The following GEMIN5 variants were observed in gnomAD, a reference collection of about 807,000 sequenced individuals.
GEMIN5 encodes the protein gem-associated protein 5.
GEMIN5 carries 124 observed loss-of-function variants against 176.9 expected under a neutral mutation model. That is an observed-to-expected ratio of 0.70 (90% confidence interval 0.61 to 0.81). GEMIN5 has a LOEUF of 0.81. Ranked by LOEUF, GEMIN5 falls within the 40% of genes least tolerant of loss-of-function variation. The pLI is 0.00. For missense variants in GEMIN5, 1,843 were observed against 1,814.6 expected (o/e 1.02, Z -0.28); for synonymous variants, 673 against 665.2 (o/e 1.01, Z -0.18).
intron 5 of GEMIN5, among the ~76,000 whole-genome samples, chr5:154,930,264 A>G (rs1764134594): frequency 6.6e-6 from 1 of 152,242 alleles, no homozygotes; most frequent in Non-Finnish European, 1.5e-5. Flanking sequence ...GGAACGACAC[A>G]GCAGCAGGGG....
intron 3 of GEMIN5, among the ~76,000 whole-genome samples, chr5:154,935,496 G>C (rs889437813): frequency 6.6e-6 from 1 of 152,180 alleles, no homozygotes; most frequent in African/African-American, 2.4e-5. Flanking sequence ...CAGAACTAGA[G>C]AGACCCAGCA....
chr5:154,917,950 C>A lies in GEMIN5; in HGVS notation c.1654G>T (p.Ala552Ser). ...ISWKADGKIM[A>S]LGNEDGSIEI... is the part of the protein sequence containing the mutation. ...ACATACCCATCTTCATTGCCAAGAG[C>A]CATGATTTTGCCATCTGCTTTCCAA... Residue 552 changes from alanine to serine, a missense_variant, in exon 12 of 28, where the codon GCT (alanine) becomes TCT (serine). Coordinates refer to ENST00000285873, the MANE Select transcript of GEMIN5 (RefSeq NM_015465.5). 1.2e-6 allele frequency: 2 copies of A among 1,611,384 alleles called. No individual in the cohort carries two copies. Among genetic ancestry groups the A allele is most frequent in the Non-Finnish European group, 1.7e-6 (2 of 1,177,698 alleles).
chr5:154,902,053 C>T (rs1005619521), intron 20 of GEMIN5, among the ~76,000 whole-genome samples: 3 of 152,162 alleles, frequency 2.0e-5, no homozygotes, highest in Non-Finnish European at 4.4e-5. Context: ...CTGCCCACCT[C>T]GGCCTCCCGA....
At chr5:154,918,142 T>C in intron 11 of GEMIN5, 138 bp from the exon 12 acceptor site, 5 of 615,798 alleles carry the variant, frequency 8.1e-6, no homozygotes, top group Non-Finnish European at 1.4e-5. Context: ...TCTACATAAT[T>C]AGTAAAAGGA....
rs1040778851 is a variant in GEMIN5 at position 154,898,658 on chromosome 5, A to T, written c.3135-8T>A. ...CAAGTGGCCCCTAAATAGCTATAAT[A>T]TGAATAAAAATGTGAAGAAAATGTC... is the stretch of plus-strand genomic sequence containing the variant. On this transcript the variant is annotated splice_region_variant and splice_polypyrimidine_tract_variant and intron_variant, in intron 22 of 27. Transcript: ENST00000285873. 5 of 1,581,962 alleles carry T rather than the reference A, an allele frequency of 3.2e-6. No individual in the cohort carries two copies. In the Admixed American group the frequency reaches 6.7e-5, roughly 21 times the overall value.
rs556534545 is a variant in GEMIN5 at position 154,897,745 on chromosome 5, G to GT, written c.3345+694dup. On this transcript the variant is annotated intron_variant, in intron 23 of 27. Coordinates refer to ENST00000285873, the MANE Select transcript of GEMIN5 (RefSeq NM_015465.5). ...CAAGCGATCTGCTGCATCTGGCCCA[G>GT]TTTTTTTTCCATAGCTTACAGTTAA... 7.8e-3 allele frequency among the ~76,000 whole-genome samples: 1,182 copies of GT among 151,818 alleles called. 9 individuals are homozygous for GT. The highest frequency in any genetic ancestry group is 0.028 in the African/African-American group (1,140 of 41,380).
intron 5 of GEMIN5, 150 bp from the exon 6 acceptor site, chr5:154,928,809 T>C: frequency 3.0e-6 from 2 of 658,808 alleles, no homozygotes; most frequent in Non-Finnish European, 5.3e-6. Context: ...TGGTTACAAT[T>C]TTAACCATTA....
Position 154,891,670 on chromosome 5 carries a change from G to T in GEMIN5, c.3833C>A (p.Ala1278Asp), listed in dbSNP as rs1004628057. 61 of 1,612,266 alleles carry T rather than the reference G, an allele frequency of 3.8e-5. No individual in the cohort carries two copies. The highest frequency in any genetic ancestry group is 4.9e-5 in the Non-Finnish European group (58 of 1,179,608). ...PATPAFKSLE[A>D]FFLYGRLYEF... ...ATACAGACGCCCATAAAGAAAAAAG[G>T]CCTCCAAACTTTTGAAAGCTGGTGT... The change falls in exon 26 of 28, where the codon GCC becomes GAC. Residue 1278 changes from alanine to aspartate, a missense_variant. Transcript: ENST00000285873.
rs936089739 is a variant in GEMIN5 at position 154,887,857 on chromosome 5, G to A, written c.*353C>T. 1 of 231,374 alleles carries A rather than the reference G, an allele frequency of 4.3e-6. No homozygotes were observed. The highest frequency in any genetic ancestry group is 1.5e-4 in the East Asian group (1 of 6,788). 14.3% of individuals were successfully genotyped at this position (231,374 alleles called of 1,614,324 possible). ...ATCAGATGAAGTATTTACAAAGGTA[G>A]CTTGTGTTTTAAGCATGTAACACTT... is the stretch of plus-strand genomic sequence containing the variant. On this transcript the variant is annotated 3_prime_UTR_variant, in exon 28 of 28. Coordinates refer to ENST00000285873, the MANE Select transcript of GEMIN5 (RefSeq NM_015465.5).
chr5:154,900,695 T>C (rs1202133842), intron 21 of GEMIN5, among the ~76,000 whole-genome samples: 1 of 152,172 alleles, frequency 6.6e-6, no homozygotes, highest in African/African-American at 2.4e-5. Flanking sequence ...CAACTCTGCC[T>C]GGAGATCCCA....
intron 3 of GEMIN5, among the ~76,000 whole-genome samples, chr5:154,933,781 A>T (rs1259985932): frequency 6.6e-6 from 1 of 152,156 alleles, no homozygotes; most frequent in Non-Finnish European, 1.5e-5. Context: ...CAACAGATCA[A>T]GCTATTTAGA....
In GEMIN5 at chr5:154,921,797, C is replaced by T. The variant is rs534633386; in HGVS notation, c.1380-372G>A. 3.9e-5 allele frequency among the ~76,000 whole-genome samples: 6 copies of T among 152,202 alleles called. No homozygotes were observed. In the South Asian group the frequency reaches 1.2e-3, roughly 32 times the overall value. ...GAAGTCATTTTAGACTTACTCTGTG[C>T]CATTAACATCACATTTCCTAAATTG... On this transcript the variant is annotated intron_variant, in intron 9 of 27. Coordinates refer to ENST00000285873, the MANE Select transcript of GEMIN5 (RefSeq NM_015465.5).
At chr5:154,897,095 G>C (rs1763366773) in intron 23 of GEMIN5, among the ~76,000 whole-genome samples, 4 of 152,132 alleles carry the variant, frequency 2.6e-5, no homozygotes, top group Admixed American at 2.6e-4. Context: ...TTTTTTGATG[G>C]TGGATAAATT....
chr5:154,911,019 G>T (rs1763688822), intron 15 of GEMIN5, among the ~76,000 whole-genome samples: 4 of 152,094 alleles, frequency 2.6e-5, no homozygotes. Context: ...ATGTTTAACA[G>T]TTGTCCCAGA....
At chr5:154,892,752 G>A (rs909370011) in intron 24 of GEMIN5, 9 of 557,662 alleles carry the variant, frequency 1.6e-5, no homozygotes, top group East Asian at 6.0e-5. Flanking sequence ...CACACGTCCC[G>A]GTGTTAAAGT....
At position 154,927,430 on chromosome 5, in the gene GEMIN5, T is replaced by C. The variant is rs1764065411; in HGVS notation, c.1035A>G (p.Thr345=). 1 of 1,595,360 alleles carries C rather than the reference T, an allele frequency of 6.3e-7. No individual in the cohort carries two copies. Among genetic ancestry groups the C allele is most frequent in the Middle Eastern group, 1.7e-4 (1 of 6,024 alleles). ...AAAGTAATAGCTGTTTGTCATCCTC[T>C]GTTTGTAAAGGACATAAATTAAACA... ...RIVFNLCPLQ[T]EDDKQLLLST... Residue 345 remains threonine, a synonymous_variant, in exon 7 of 28, where the codon ACA becomes ACG. Transcript: ENST00000285873.
chr5:154,889,395 G>C lies in GEMIN5; in HGVS notation c.4285C>G (p.Leu1429Val). Reference protein sequence around the residue: ...SQCKEEKNEPLSLPELTKRLT... With the variant: ...SQCKEEKNEPVSLPELTKRLT... ...CTTTTGGTTAACTCAGGCAGAGAAA[G>C]TGGCTCATTTTTTTCTTCTTTACTA... The change falls in exon 27 of 28, where the codon CTT becomes GTT. Residue 1429 changes from leucine to valine, a missense_variant. Leu to Val is a conservative substitution (Grantham distance 32). Coordinates refer to ENST00000285873, the MANE Select transcript of GEMIN5 (RefSeq NM_015465.5). 1 of 1,609,150 alleles carries C rather than the reference G, an allele frequency of 6.2e-7. No individual in the cohort carries two copies. The highest frequency in any genetic ancestry group is 1.3e-5 in the African/African-American group (1 of 74,956).
At position 154,911,718 on chromosome 5, in the gene GEMIN5, C is replaced by T. The variant is rs1763703012; in HGVS notation, c.2167+9G>A. ...AAAAGAATTAGATAAGCTCTAGGTT[C>T]TGACTGACCTTGAGGAGGCCGGGAA... On this transcript the variant is annotated intron_variant, in intron 15 of 27. Coordinates refer to ENST00000285873, the MANE Select transcript of GEMIN5 (RefSeq NM_015465.5). 6.2e-7 allele frequency: 1 copy of T among 1,608,112 alleles called. No individual in the cohort carries two copies. Among genetic ancestry groups the T allele is most frequent in the Admixed American group, 1.7e-5 (1 of 59,674 alleles).
chr5:154,888,431 A>G, intron 27 of GEMIN5, 54 bp from the exon 28 acceptor site: 1 of 1,497,610 alleles, frequency 6.7e-7, no homozygotes. Flanking sequence ...AAGAGCCACA[A>G]ACACCTGCAC....
Sources: allele counts gnomAD v4.1 joint callset (sites outside exome capture counted in the v4.1 genomes callset), GRCh38; gene constraint gnomAD v4.1.1; transcripts MANE v1.5; gene names NCBI Gene and HGNC (gene_info 2026-07-23, HGNC 2026-07-21).